RBPJ: variants seen among roughly 807,000 people sequenced by gnomAD.
The protein encoded by RBPJ is recombining binding protein suppressor of hairless.
In RBPJ, 9 loss-of-function variants were observed where a neutral mutation model predicts 67.8. The observed-to-expected ratio is 0.13, with a 90% CI of 0.08 to 0.23. The LOEUF (loss-of-function observed/expected upper bound fraction) is 0.23. RBPJ is among the 10% of genes least tolerant of loss of function. The probability of loss-of-function intolerance (pLI) is 1.00; values close to 1 mark genes in which losing one functional copy is unlikely to be tolerated. For synonymous variants in RBPJ, 198 were observed against 203.3 expected (o/e 0.97, Z 0.22); for missense variants, 305 against 595.6 (o/e 0.51, Z 5.08).
chr4:26,190,256 T>G (rs1031685496), intron 1 of RBPJ, among the ~76,000 whole-genome samples: 3 of 152,216 alleles, frequency 2.0e-5, no homozygotes, highest in African/African-American at 7.2e-5. Context: ...GTGCTGCCTT[T>G]CCATTCTACA....
chr4:26,336,281 TTC>T (rs1724829001), intron 1 of RBPJ, among the ~76,000 whole-genome samples: 2 of 152,368 alleles, frequency 1.3e-5, no homozygotes, highest in East Asian at 3.9e-4. Flanking sequence ...TCATGTCTGT[TTC>T]TTGCATTGAG....
intron 1 of RBPJ, among the ~76,000 whole-genome samples, chr4:26,371,630 C>T (rs149693665): frequency 0.013 from 2,014 of 152,210 alleles, 30 homozygotes; most frequent in South Asian, 0.02. Context: ...GTGATCTCTA[C>T]AGCTGTTAAC....
intron 1 of RBPJ, among the ~76,000 whole-genome samples, chr4:26,364,827 A>C (rs955156521): frequency 1.3e-5 from 2 of 151,452 alleles, no homozygotes; most frequent in Non-Finnish European, 2.9e-5. Flanking sequence ...GGGTTTCGCT[A>C]TGTTGGCCAG....
At chr4:26,111,010 A>G in the RBPJ span, among the ~76,000 whole-genome samples, 8 of 152,224 alleles carry the variant, frequency 5.3e-5, no homozygotes, top group African/African-American at 1.7e-4. Context: ...TCTGCAACTA[A>G]GAACTCTTAC....
chr4:26,300,234 T>C (rs1722030875), intron 1 of RBPJ, among the ~76,000 whole-genome samples: 1 of 149,392 alleles, frequency 6.7e-6, no homozygotes, highest in Non-Finnish European at 1.5e-5. Context: ...GAGCTGGAGG[T>C]GTGTGTATGG....
At chr4:26,319,565 T>G, upstream of RBPJ, 1 of 484,014 alleles carries the variant, frequency 2.1e-6, no homozygotes, top group Non-Finnish European at 3.7e-6. Context: ...TGTCCTGCCT[T>G]GGCTCCGCGA....
At chr4:26,189,795 TA>T in intron 1 of RBPJ, among the ~76,000 whole-genome samples, 1 of 152,388 alleles carries the variant, frequency 6.6e-6, no homozygotes, top group Non-Finnish European at 1.5e-5. Context: ...GAAATCTTAA[TA>T]GTTCCAGAAA....
chr4:26,415,196 C>G (rs1465843255), intron 3 of RBPJ, among the ~76,000 whole-genome samples: 4 of 152,058 alleles, frequency 2.6e-5, no homozygotes, highest in African/African-American at 7.2e-5. Flanking sequence ...GAACTCTGAG[C>G]CATACAAAGA....
chr4:26,157,339 A>G, the RBPJ span, among the ~76,000 whole-genome samples: 265 of 152,268 alleles, frequency 1.7e-3, 2 homozygotes, highest in African/African-American at 6.1e-3. Context: ...ATGCTGAAGC[A>G]GAAGGATCAC....
chr4:26,206,290 G>T (rs1239942438), intron 1 of RBPJ, among the ~76,000 whole-genome samples: 1 of 152,196 alleles, frequency 6.6e-6, no homozygotes, highest in Non-Finnish European at 1.5e-5. Context: ...GGTGTGACAA[G>T]TCTTGGTGAT....
chr4:26,182,762 G>A (rs895326796), intron 1 of RBPJ, among the ~76,000 whole-genome samples: 2 of 151,982 alleles, frequency 1.3e-5, no homozygotes, highest in Non-Finnish European at 2.9e-5. Context: ...GCCTCCCAAA[G>A]TACTGCGATT....
the RBPJ span, among the ~76,000 whole-genome samples, chr4:26,142,757 AGT>A: frequency 6.6e-6 from 1 of 151,550 alleles, no homozygotes; most frequent in Non-Finnish European, 1.5e-5. Flanking sequence ...GTCTATTTTG[AGT>A]GTGTGTGTGT....
upstream of RBPJ, among the ~76,000 whole-genome samples, chr4:26,318,721 A>G (rs1171817780): frequency 1.3e-5 from 2 of 152,154 alleles, no homozygotes; most frequent in Non-Finnish European, 2.9e-5. Context: ...AATTGCTGCC[A>G]GGCGCGGTGG....
the RBPJ span, among the ~76,000 whole-genome samples, chr4:26,130,134 T>C: frequency 6.6e-6 from 1 of 152,222 alleles, no homozygotes; most frequent in African/African-American, 2.4e-5. Flanking sequence ...GTGCTGGGAT[T>C]ACAGGCATGA....
chr4:26,312,868 GC>G (rs1722480192), intron 1 of RBPJ, among the ~76,000 whole-genome samples: 1 of 152,184 alleles, frequency 6.6e-6, no homozygotes. Flanking sequence ...GAACCACGAG[GC>G]AGTTCTGCTG....
intron 1 of RBPJ, among the ~76,000 whole-genome samples, chr4:26,215,025 A>G (rs1718631701): frequency 2.6e-5 from 2 of 76,648 alleles, no homozygotes; most frequent in African/African-American, 4.5e-5. Flanking sequence ...AGAAAGAAAG[A>G]AAGAAAAGAA....
intron 1 of RBPJ, among the ~76,000 whole-genome samples, chr4:26,357,679 A>G (rs1315324996): frequency 6.6e-6 from 1 of 152,156 alleles, no homozygotes; most frequent in Non-Finnish European, 1.5e-5. Flanking sequence ...CCATCTCCAC[A>G]GCTGTTTTCA....
At chr4:26,428,949 A>G in intron 8 of RBPJ, 89 bp downstream of exon 8, 1 of 969,180 alleles carries the variant, frequency 1.0e-6, no homozygotes. Context: ...TTTGCTGTTA[A>G]TTATATACAA....
chr4:26,362,682 C>T, intron 1 of RBPJ: 2 of 1,358,246 alleles, frequency 1.5e-6, no homozygotes, highest in South Asian at 1.2e-5. Flanking sequence ...AATGAACACT[C>T]ATGATTCTGT....
Sources: gnomAD v4.1 joint callset for allele counts (sites outside exome capture counted in the v4.1 genomes callset) on GRCh38, gnomAD v4.1.1 for gene constraint, MANE v1.5 for transcripts, NCBI Gene and HGNC (gene_info 2026-07-23, HGNC 2026-07-21) for gene names.